TTL: variants seen among roughly 807,000 people sequenced by gnomAD.
The protein encoded by TTL is tubulin tyrosine ligase.
TTL carries 10 observed loss-of-function variants against 41.1 expected under a neutral mutation model. The observed-to-expected ratio is 0.24, with a 90% CI of 0.15 to 0.41. TTL has a LOEUF of 0.41. Among genes scored for constraint, TTL ranks in the 10% least tolerant of loss-of-function variants. The pLI is 1.00. For missense variants in TTL, 367 were observed against 460.4 expected (o/e 0.80, Z 1.86); for synonymous variants, 175 against 175.5 (o/e 1.00, Z 0.02).
intron 6 of TTL, among the ~76,000 whole-genome samples, chr2:112,526,784 T>TC (rs1340691611): frequency 6.6e-6 from 1 of 152,182 alleles, no homozygotes; most frequent in Non-Finnish European, 1.5e-5. Flanking sequence ...TGTCTCTATC[T>TC]CCTTCAGTTC....
At chr2:112,523,712 G>C (rs929408853) in intron 6 of TTL, among the ~76,000 whole-genome samples, 1 of 152,040 alleles carries the variant, frequency 6.6e-6, no homozygotes, top group African/African-American at 2.4e-5. Context: ...ATTTGCTGAG[G>C]GAATGCTTTA....
chr2:112,484,703 G>A (rs747060215), intron 1 of TTL, among the ~76,000 whole-genome samples: 1 of 152,174 alleles, frequency 6.6e-6, no homozygotes, highest in Non-Finnish European at 1.5e-5. Context: ...GCTAGGTAAA[G>A]GCTCAGGAAG....
intron 1 of TTL, among the ~76,000 whole-genome samples, 174 bp from the exon 2 acceptor site, chr2:112,485,743 C>T (rs376053532): frequency 3.9e-4 from 59 of 152,126 alleles, no homozygotes; most frequent in Non-Finnish European, 2.4e-4. Context: ...AGGTTGCCAG[C>T]GGAATACTGA....
Position 112,482,572 on chromosome 2 carries a change from C to A in TTL, c.157+71C>A. 1 of 1,470,242 alleles carries A rather than the reference C, an allele frequency of 6.8e-7. No homozygotes were observed. Among genetic ancestry groups the A allele is most frequent in the South Asian group, 1.4e-5 (1 of 74,014 alleles). The allele number at this position is 1,470,242 out of a possible 1,614,324, so 91.1% of individuals were successfully genotyped here. ...GCGCGCCTCCCGCGGCCCGTTAGAA[C>A]CGGCGCTTTTGTTTTTAAAGGTCAT... On this transcript the variant is annotated intron_variant, in intron 1 of 6. Transcript: ENST00000233336. The surrounding 1 kb of genome is among the most constrained non-coding windows in gnomAD (Gnocchi z 5.3).
At chr2:112,490,907 CCTAT>C (rs1681366438) in intron 2 of TTL, among the ~76,000 whole-genome samples, 1 of 151,988 alleles carries the variant, frequency 6.6e-6, no homozygotes, top group African/African-American at 2.4e-5. Flanking sequence ...TAACTGAAGT[CCTAT>C]CTGTCATGAT....
chr2:112,524,819 C>T (rs1157605098), intron 6 of TTL, among the ~76,000 whole-genome samples: 3 of 152,090 alleles, frequency 2.0e-5, no homozygotes. Flanking sequence ...TCAATTTTTG[C>T]TTTTGTTGCC....
intron 2 of TTL, among the ~76,000 whole-genome samples, chr2:112,492,235 A>G (rs1681407770): frequency 6.6e-6 from 1 of 152,230 alleles, no homozygotes; most frequent in Non-Finnish European, 1.5e-5. Flanking sequence ...CCATATCAAT[A>G]AAGTTGTGCT....
intron 5 of TTL, among the ~76,000 whole-genome samples, chr2:112,503,688 TTTTC>T (rs1195712691): frequency 7.0e-6 from 1 of 142,218 alleles, no homozygotes; most frequent in Non-Finnish European, 1.5e-5. Context: ...TAATCAATAG[TTTTC>T]TTTATCATAG....
intron 3 of TTL, among the ~76,000 whole-genome samples, chr2:112,497,224 C>T (rs1681558550): frequency 6.6e-6 from 1 of 152,116 alleles, no homozygotes; most frequent in Non-Finnish European, 1.5e-5. Flanking sequence ...CTGTGTTACC[C>T]AGGCTGTTCT....
In TTL at chr2:112,537,356, C is replaced by G. The variant is rs1682616981; in HGVS notation, c.*8561C>G. On this transcript the variant is annotated 3_prime_UTR_variant, in exon 7 of 7. Transcript: ENST00000233336. ...TCAGCCTCCCAAAGTGCTGGGATTACAGGCATGAGCCACCATGCCCAGCTG... is the reference window on the plus strand; with the variant it reads ...TCAGCCTCCCAAAGTGCTGGGATTAGAGGCATGAGCCACCATGCCCAGCTG... The G allele has an allele frequency of 6.6e-6, 1 of 152,386 alleles. No homozygotes were observed. The highest frequency in any genetic ancestry group is 1.5e-5 in the Non-Finnish European group (1 of 68,156). 9.4% of individuals were successfully genotyped at this position (152,386 alleles called of 1,614,324 possible). A position where few individuals can be genotyped will look rare whatever the true frequency, so the allele number is the denominator to read the frequency against.
intron 3 of TTL, 82 bp downstream of exon 3, chr2:112,494,457 C>G (rs1484865019): frequency 9.1e-7 from 1 of 1,095,700 alleles, no homozygotes; most frequent in Non-Finnish European, 1.3e-6. Flanking sequence ...CTATTTTAAT[C>G]TGAATCATCG....
intron 5 of TTL, among the ~76,000 whole-genome samples, chr2:112,511,823 A>G (rs12464735): frequency 0.067 from 10,133 of 151,806 alleles, 590 homozygotes; most frequent in East Asian, 0.28. Context: ...TACACACTTC[A>G]GCCTCCCAGA....
rs1458353202 is a variant in TTL at position 112,526,656 on chromosome 2, C to T, written c.1020-2025C>T. Among the ~76,000 whole-genome samples the T allele has an allele frequency of 5.9e-5, 9 of 151,968 alleles. No homozygotes were observed. In the East Asian group the frequency reaches 7.7e-4, roughly 13 times the overall value. Reference sequence around the variant, plus strand: ...ATAACCCCTTTATCATTTTTTATTGCGTCTATTTGATTCTTCTCTCTTTTC... The same window carrying T: ...ATAACCCCTTTATCATTTTTTATTGTGTCTATTTGATTCTTCTCTCTTTTC... On this transcript the variant is annotated intron_variant, in intron 6 of 6. Coordinates refer to ENST00000233336, the MANE Select transcript of TTL (RefSeq NM_153712.5).
rs371547194 is a variant in TTL, at chr2:112,482,520, C to T, written c.157+19C>T. On this transcript the variant is annotated intron_variant, in intron 1 of 6. Coordinates refer to ENST00000233336, the MANE Select transcript of TTL (RefSeq NM_153712.5). This position sits in a 1 kb window ranked among gnomAD's most constrained non-coding sequence, Gnocchi z 5.3. ...AGACTGGGTGAGCCCCTCCCCGATT[C>T]CCGTCTGCCCTCCTCGGAGCGGCCC... 465 of 1,581,428 alleles carry T rather than the reference C, an allele frequency of 2.9e-4. 1 individual carries two copies. In the African/African-American group the frequency reaches 3.6e-3, roughly 12 times the overall value.
rs375946438 is a variant in TTL, at chr2:112,541,106, A to G, written c.*12311A>G. 4.6e-5 allele frequency: 7 copies of G among 152,306 alleles called. No individual in the cohort carries two copies. The South Asian group carries it at 1.4e-3, about 32-fold the overall frequency. 9.4% of individuals were successfully genotyped at this position (152,306 alleles called of 1,614,324 possible). A position where few individuals can be genotyped will look rare whatever the true frequency, so the allele number is the denominator to read the frequency against. On this transcript the variant is annotated 3_prime_UTR_variant, in exon 7 of 7. Transcript: ENST00000233336. The stretch of plus-strand genomic sequence containing the variant: ...ATGCCTATATGAAAACATCTCATAT[A>G]CCTCATAAATATGCTAATTATGTAC...
At chr2:112,525,628 A>G (rs1682352339) in intron 6 of TTL, among the ~76,000 whole-genome samples, 1 of 152,206 alleles carries the variant, frequency 6.6e-6, no homozygotes, top group Admixed American at 6.5e-5. Flanking sequence ...ATTTTTGCAC[A>G]TCAATTTTGT....
intron 5 of TTL, among the ~76,000 whole-genome samples, chr2:112,512,646 C>T (rs1328856040): frequency 6.6e-6 from 1 of 152,146 alleles, no homozygotes; most frequent in Admixed American, 6.6e-5. Context: ...ATCCACCCGC[C>T]TCAGCCTCCC....
At chr2:112,519,947 A>G (rs180771155) in intron 5 of TTL, among the ~76,000 whole-genome samples, 2 of 152,158 alleles carry the variant, frequency 1.3e-5, no homozygotes, top group Non-Finnish European at 2.9e-5. Flanking sequence ...CCTGACCAAC[A>G]TGGAGAAACC....
chr2:112,534,852 T>G lies in TTL; in HGVS notation c.*6057T>G, dbSNP rs1351796990. 6.6e-6 allele frequency: 1 copy of G among 150,602 alleles called. No individual in the cohort carries two copies. The highest frequency in any genetic ancestry group is 1.5e-5 in the Non-Finnish European group (1 of 67,996). The allele number at this position is 150,602 out of a possible 1,614,324, so 9.3% of individuals were successfully genotyped here. A position where few individuals can be genotyped will look rare whatever the true frequency, so the allele number is the denominator to read the frequency against. Reference sequence around the variant, plus strand: ...ACTGTGCACATGCCCAGAAGAGACCTGAGAATTCCCCAGCTCTTTCGTCTG... The same window carrying G: ...ACTGTGCACATGCCCAGAAGAGACCGGAGAATTCCCCAGCTCTTTCGTCTG... On this transcript the variant is annotated 3_prime_UTR_variant, in exon 7 of 7. Coordinates refer to ENST00000233336, the MANE Select transcript of TTL (RefSeq NM_153712.5).
Sources: allele counts gnomAD v4.1 joint callset (sites outside exome capture counted in the v4.1 genomes callset), GRCh38; gene constraint gnomAD v4.1.1; non-coding constraint Gnocchi (gnomAD v3.1); transcripts MANE v1.5; gene names NCBI Gene and HGNC (gene_info 2026-07-23, HGNC 2026-07-21).